RNF214: variants seen among roughly 807,000 people sequenced by gnomAD.
The protein encoded by RNF214 is ring finger protein 214.
A neutral mutation model predicts 75.9 loss-of-function variants in RNF214; 25 were observed. That is an observed-to-expected ratio of 0.33 (90% confidence interval 0.24 to 0.46). The LOEUF (loss-of-function observed/expected upper bound fraction) is 0.46. RNF214 is among the 20% of genes least tolerant of loss of function. RNF214 has a pLI of 1.00. For missense variants in RNF214, 725 were observed against 857.5 expected, an observed-to-expected ratio of 0.85 and a Z score of 1.93; for synonymous variants, 314 against 308.8, an observed-to-expected ratio of 1.02 and a Z score of -0.18.
chr11:117,276,861 A>G (rs2034025087), intron 6 of RNF214, among the ~76,000 whole-genome samples: 1 of 152,252 alleles, frequency 6.6e-6, no homozygotes, highest in African/African-American at 2.4e-5. Flanking sequence ...ACAGAAGGCA[A>G]CTGTCATGTT....
At chr11:117,246,757 C>T in intron 5 of RNF214, 52 bp from the exon 6 acceptor site, 1 of 1,452,878 alleles carries the variant, frequency 6.9e-7, no homozygotes, top group South Asian at 1.6e-5. Flanking sequence ...ATCAAAAGAA[C>T]TAACTTATTT....
In RNF214 at chr11:117,244,471, G is replaced by T; in HGVS notation, c.705G>T (p.Leu235=). 2 of 1,612,144 alleles carry T rather than the reference G, an allele frequency of 1.2e-6. No homozygotes were observed. Among genetic ancestry groups the T allele is most frequent in the Non-Finnish European group, 1.7e-6 (2 of 1,179,160 alleles). ...NLDKMMTERT[L]LKERYQEVLD... ...ATAAAATGATGACAGAGAGAACCCT[G>T]TTGAAAGAGCGTTACCAGGAGGTCC... Residue 235 remains leucine, a synonymous_variant, in exon 5 of 15, where the codon CTG becomes CTT. Transcript: ENST00000300650.
intron 5 of RNF214, among the ~76,000 whole-genome samples, chr11:117,246,280 T>TAA (rs113697922): frequency 2.2e-4 from 31 of 144,012 alleles, no homozygotes; most frequent in Non-Finnish European, 2.3e-4. Flanking sequence ...ACTTCTTATT[T>TAA]AAAAAAAAAA....
chr11:117,280,042 C>G (rs1161716242), intron 7 of RNF214, 38 bp downstream of exon 7: 1 of 1,560,158 alleles, frequency 6.4e-7, no homozygotes, highest in African/African-American at 1.4e-5. Context: ...GTCTTAGTTT[C>G]AGGCTTCCAG....
chr11:117,269,279 A>T lies in RNF214; in HGVS notation c.960-10629A>T, dbSNP rs900332013. ...AAAATAAAAAAAAGAATGAACCTAA[A>T]CAACAATGGCCTGGGACAAGGTTCT... is the stretch of plus-strand genomic sequence containing the variant. On this transcript the variant is annotated intron_variant, in intron 6 of 14. Coordinates refer to ENST00000300650, the MANE Select transcript of RNF214 (RefSeq NM_207343.4). 2.0e-5 allele frequency among the ~76,000 whole-genome samples: 3 copies of T among 152,168 alleles called. No individual in the cohort carries two copies. In the East Asian group the frequency reaches 5.8e-4, roughly 29 times the overall value.
intron 6 of RNF214, among the ~76,000 whole-genome samples, chr11:117,252,019 C>G (rs2033408469): frequency 6.6e-6 from 1 of 152,160 alleles, no homozygotes; most frequent in Non-Finnish European, 1.5e-5. Flanking sequence ...CAGGCCTGTG[C>G]CACCACGCCC....
chr11:117,281,079 A>G (rs760675678), intron 8 of RNF214, among the ~76,000 whole-genome samples: 11 of 142,778 alleles, frequency 7.7e-5, no homozygotes, highest in Non-Finnish European at 1.5e-4. Flanking sequence ...AGCACAAGCC[A>G]TCCTCCTACC....
Position 117,280,209 on chromosome 11 carries a change from G to A in RNF214, c.1095G>A (p.Leu365=). 3.1e-6 allele frequency: 5 copies of A among 1,613,872 alleles called. No homozygotes were observed. Among genetic ancestry groups the A allele is most frequent in the Non-Finnish European group, 3.4e-6 (4 of 1,179,738 alleles). ...AGAGCCGGAAAGAGTTACTGGTACT[G>A]AAACTAGAAGAAGCAGAAAAAGAGG... The part of the protein sequence containing the change: ...SLESRKELLV[L]KLEEAEKEAE... The change falls in exon 8 of 15, where the codon CTG becomes CTA. Residue 365 remains leucine (L), a synonymous_variant. Transcript: ENST00000300650.
intron 6 of RNF214, among the ~76,000 whole-genome samples, chr11:117,258,637 A>G (rs898531566): frequency 1.3e-5 from 2 of 152,052 alleles, no homozygotes; most frequent in Non-Finnish European, 2.9e-5. Context: ...TGAAAAATAC[A>G]TAAATCTTAA....
At chr11:117,248,837 C>T (rs893283991) in intron 6 of RNF214, among the ~76,000 whole-genome samples, 3 of 152,164 alleles carry the variant, frequency 2.0e-5, no homozygotes, top group Non-Finnish European at 4.4e-5. Context: ...AGCAACTTAA[C>T]AGGAGATATT....
intron 6 of RNF214, among the ~76,000 whole-genome samples, chr11:117,252,111 T>C (rs1038721435): frequency 3.3e-5 from 5 of 152,184 alleles, no homozygotes; most frequent in Admixed American, 1.3e-4. Context: ...TCAAGTGATG[T>C]GCCCGCCTTG....
At chr11:117,247,371 T>A (rs1008166297) in intron 6 of RNF214, among the ~76,000 whole-genome samples, 1 of 152,204 alleles carries the variant, frequency 6.6e-6, no homozygotes, top group African/African-American at 2.4e-5. Context: ...GGCACGTGGC[T>A]GTAGTCCTAG....
At chr11:117,260,548 C>T (rs979102662) in intron 6 of RNF214, among the ~76,000 whole-genome samples, 1 of 151,422 alleles carries the variant, frequency 6.6e-6, no homozygotes. Flanking sequence ...TGGCTCATGC[C>T]TGTAATCCCA....
At chr11:117,245,634 G>A (rs1416194789) in intron 5 of RNF214, among the ~76,000 whole-genome samples, 1 of 151,996 alleles carries the variant, frequency 6.6e-6, no homozygotes, top group African/African-American at 2.4e-5. Flanking sequence ...GAGCCACTGC[G>A]CCAGACCACT....
intron 9 of RNF214, 71 bp downstream of exon 9, chr11:117,281,475 A>AG: frequency 7.1e-7 from 1 of 1,408,810 alleles, no homozygotes; most frequent in Non-Finnish European, 1.0e-6. Context: ...ATTGGGAGGT[A>AG]GCCTTTTGCA....
intron 6 of RNF214, among the ~76,000 whole-genome samples, chr11:117,257,835 T>C (rs1255969842): frequency 6.6e-6 from 1 of 152,222 alleles, no homozygotes; most frequent in East Asian, 1.9e-4. Context: ...TAATACTAAT[T>C]GGTAATTGTT....
chr11:117,285,201 C>A lies in RNF214; in HGVS notation c.*50C>A. 1 of 1,289,466 alleles carries A rather than the reference C, an allele frequency of 7.8e-7. No homozygotes were observed. Among genetic ancestry groups the A allele is most frequent in the Non-Finnish European group, 1.1e-6 (1 of 885,900 alleles). 79.9% of individuals were successfully genotyped at this position (1,289,466 alleles called of 1,614,324 possible). On this transcript the variant is annotated 3_prime_UTR_variant, in exon 15 of 15. Coordinates refer to ENST00000300650, the MANE Select transcript of RNF214 (RefSeq NM_207343.4). Reference sequence around the variant, plus strand: ...AAGAGAAACTGATGTGAACAGGAAGCGCGGGTTCAAGATTTCTAAAACTCT... The same window carrying A: ...AAGAGAAACTGATGTGAACAGGAAGAGCGGGTTCAAGATTTCTAAAACTCT...
rs1487778794 is a variant in RNF214, at chr11:117,285,504, C to G, written c.*353C>G. On this transcript the variant is annotated 3_prime_UTR_variant, in exon 15 of 15. Transcript: ENST00000300650. Reference sequence around the variant, plus strand: ...CTGCTGTTGCTCTAAGGCCATTCTGCTTTGGTTTGGCTCAGCCTCTAGTCC... The same window carrying G: ...CTGCTGTTGCTCTAAGGCCATTCTGGTTTGGTTTGGCTCAGCCTCTAGTCC... The G allele has an allele frequency of 5.6e-6, 1 of 180,046 alleles. No homozygotes were observed. The highest frequency in any genetic ancestry group is 1.2e-5 in the Non-Finnish European group (1 of 86,012). 11.2% of individuals were successfully genotyped at this position (180,046 alleles called of 1,614,324 possible).
At chr11:117,262,294 G>T (rs568763226) in intron 6 of RNF214, among the ~76,000 whole-genome samples, 3 of 152,010 alleles carry the variant, frequency 2.0e-5, no homozygotes, top group South Asian at 4.2e-4. Context: ...TCACCATGTT[G>T]GCCAGGATGG....
Sources: gnomAD v4.1 joint callset for allele counts (sites outside exome capture counted in the v4.1 genomes callset) on GRCh38, gnomAD v4.1.1 for gene constraint, MANE v1.5 for transcripts, NCBI Gene and HGNC (gene_info 2026-07-23, HGNC 2026-07-21) for gene names.